Variants in AGT observed in about 807,000 individuals in gnomAD.
AGT encodes the protein alpha-1 antiproteinase, antitrypsin.
A neutral mutation model predicts 28.1 loss-of-function variants in AGT; 26 were observed. That is an observed-to-expected ratio of 0.92 (90% CI 0.68 to 1.28). The LOEUF (loss-of-function observed/expected upper bound fraction) is 1.28, where lower values mean the gene tolerates loss of function less well. Among genes scored for constraint, AGT ranks in the 50% most tolerant of loss-of-function variants. The pLI, the probability that AGT is intolerant of heterozygous loss-of-function variation, is 0.00. For synonymous variants in AGT, 259 were observed against 259.6 expected, an observed-to-expected ratio of 1.00 and a Z score of 0.02; for missense variants, 596 against 592.3, an observed-to-expected ratio of 1.01 and a Z score of -0.06.
intron 2 of AGT, among the ~76,000 whole-genome samples, chr1:230,706,424 A>G (rs1488078133): frequency 6.6e-6 from 1 of 152,028 alleles, no homozygotes; most frequent in Non-Finnish European, 1.5e-5. Context: ...AGGCAGCCCT[A>G]ACCGCCACCT....
upstream of AGT, among the ~76,000 whole-genome samples, chr1:230,718,722 CTTTTTTTTT>C (rs1228887131): frequency 1.7e-5 from 2 of 118,496 alleles, no homozygotes; most frequent in Non-Finnish European, 3.3e-5. Flanking sequence ...TTCCACACCG[CTTTTTTTTT>C]TTTTTTTTTT....
At chr1:230,708,836 C>A (rs971052666) in intron 2 of AGT, among the ~76,000 whole-genome samples, 1 of 152,218 alleles carries the variant, frequency 6.6e-6, no homozygotes, top group Non-Finnish European at 1.5e-5. Context: ...CCGGGATGAC[C>A]TCTGAACAGA....
At chr1:230,719,997 C>A (rs924553123) in intron 1 of AGT, among the ~76,000 whole-genome samples, 1 of 151,976 alleles carries the variant, frequency 6.6e-6, no homozygotes, top group African/African-American at 2.4e-5. Context: ...GGCTTTAAGG[C>A]AGGGCATAAT....
chr1:230,735,079 A>T (rs1664134218), intron 1 of AGT, among the ~76,000 whole-genome samples: 1 of 152,096 alleles, frequency 6.6e-6, no homozygotes, highest in South Asian at 2.1e-4. Flanking sequence ...AGGGTCGCTC[A>T]TCGCCTCCCC....
chr1:230,731,407 G>T (rs989471187), intron 1 of AGT, among the ~76,000 whole-genome samples: 1 of 152,158 alleles, frequency 6.6e-6, no homozygotes, highest in Non-Finnish European at 1.5e-5. Context: ...TCCTCCCAGA[G>T]GAAAACTCCC....
At chr1:230,705,230 A>C (rs1013605154) in intron 3 of AGT, among the ~76,000 whole-genome samples, 3 of 152,188 alleles carry the variant, frequency 2.0e-5, no homozygotes, top group African/African-American at 7.2e-5. Flanking sequence ...GTGCACTCGA[A>C]AATGGTTACG....
intron 1 of AGT, among the ~76,000 whole-genome samples, chr1:230,721,906 A>G (rs772780826): frequency 1.2e-4 from 19 of 152,228 alleles, no homozygotes; most frequent in Non-Finnish European, 2.1e-4. Context: ...CTTGGGAGAA[A>G]TTCAAGCCAG....
At chr1:230,713,634 ACAGT>A (rs1477203940) in intron 1 of AGT, among the ~76,000 whole-genome samples, 1 of 152,172 alleles carries the variant, frequency 6.6e-6, no homozygotes, top group Non-Finnish European at 1.5e-5. Flanking sequence ...CTGATGACAC[ACAGT>A]CAGGCAGTCT....
At chr1:230,725,063 G>T (rs1362810709) in intron 1 of AGT, among the ~76,000 whole-genome samples, 1 of 152,116 alleles carries the variant, frequency 6.6e-6, no homozygotes, top group Non-Finnish European at 1.5e-5. Flanking sequence ...CTATCCTGAT[G>T]AAAATTACTT....
intron 1 of AGT, among the ~76,000 whole-genome samples, chr1:230,732,854 C>T (rs1483355643): frequency 1.3e-5 from 2 of 152,054 alleles, no homozygotes; most frequent in Non-Finnish European, 2.9e-5. Context: ...AAGAAGTGGC[C>T]CCACATAGTT....
chr1:230,732,988 A>C (rs1204517476), intron 1 of AGT, among the ~76,000 whole-genome samples: 1 of 151,992 alleles, frequency 6.6e-6, no homozygotes, highest in African/African-American at 2.4e-5. Context: ...TGATCTGTTA[A>C]AAGTCAGTCC....
chr1:230,708,836 C>G (rs971052666), intron 2 of AGT, among the ~76,000 whole-genome samples: 1 of 152,218 alleles, frequency 6.6e-6, no homozygotes, highest in Non-Finnish European at 1.5e-5. Context: ...CCGGGATGAC[C>G]TCTGAACAGA....
Position 230,702,732 on chromosome 1 carries a change from C to T in AGT, c.*409G>A, listed in dbSNP as rs1188299629. ...CAAGACACTAAATACAAACCGAAGG[C>T]AATGCAAAAATGTATACTTTAATTT... On this transcript the variant is annotated 3_prime_UTR_variant, in exon 5 of 5. Transcript: ENST00000366667. 2 of 227,986 alleles carry T rather than the reference C, an allele frequency of 8.8e-6. No homozygotes were observed. Among genetic ancestry groups the T allele is most frequent in the African/African-American group, 2.2e-5 (1 of 44,526 alleles). 14.1% of individuals were successfully genotyped at this position (227,986 alleles called of 1,614,324 possible).
intron 2 of AGT, among the ~76,000 whole-genome samples, chr1:230,708,830 G>A (rs1356624438): frequency 6.6e-6 from 1 of 152,166 alleles, no homozygotes; most frequent in Admixed American, 6.5e-5. Context: ...AGGCTTCCGG[G>A]ATGACCTCTG....
intron 1 of AGT, among the ~76,000 whole-genome samples, chr1:230,745,121 A>G (rs1159272919): frequency 6.6e-6 from 1 of 152,230 alleles, no homozygotes; most frequent in Admixed American, 6.5e-5. Context: ...AGAGGACCCC[A>G]GTTCCAAAGT....
At chr1:230,741,131 A>AGGC (rs564082314) in intron 1 of AGT, among the ~76,000 whole-genome samples, 170 of 152,326 alleles carry the variant, frequency 1.1e-3, no homozygotes, top group African/African-American at 3.9e-3. Context: ...AGTTAGCAGA[A>AGGC]GGCAGACAGG....
At chr1:230,704,825 T>C (rs1249598472) in intron 3 of AGT, among the ~76,000 whole-genome samples, 3 of 152,194 alleles carry the variant, frequency 2.0e-5, no homozygotes, top group African/African-American at 7.2e-5. Context: ...TCTTTTGGCA[T>C]CCTTCAGAGC....
chr1:230,713,614 G>A (rs1323365956), intron 1 of AGT, among the ~76,000 whole-genome samples: 1 of 152,168 alleles, frequency 6.6e-6, no homozygotes, highest in Non-Finnish European at 1.5e-5. Context: ...TCAGGGAGAT[G>A]GTGACCAGCC....
At chr1:230,708,283 C>T (rs1421101479) in intron 2 of AGT, among the ~76,000 whole-genome samples, 2 of 152,164 alleles carry the variant, frequency 1.3e-5, no homozygotes, top group East Asian at 3.9e-4. Context: ...GGTGGATGTG[C>T]TCTCTTTCGA....
Sources: gnomAD v4.1 joint callset for allele counts (sites outside exome capture counted in the v4.1 genomes callset) on GRCh38, gnomAD v4.1.1 for gene constraint, MANE v1.5 for transcripts, NCBI Gene and HGNC (gene_info 2026-07-23, HGNC 2026-07-21) for gene names.